TET3: variants seen among roughly 807,000 people sequenced by gnomAD.
The protein encoded by TET3 is methylcytosine dioxygenase TET3.
A neutral mutation model predicts 141.4 loss-of-function variants in TET3; 19 were observed. The observed-to-expected ratio is 0.13, with a 90% CI of 0.09 to 0.20. The LOEUF (loss-of-function observed/expected upper bound fraction) is 0.20. TET3 is among the 10% of genes least tolerant of loss of function. The probability of loss-of-function intolerance (pLI) is 1.00; values close to 1 mark genes in which losing one functional copy is unlikely to be tolerated. For missense variants in TET3, 1,874 were observed against 2,356.9 expected, an observed-to-expected ratio of 0.80 and a Z score of 4.24; for synonymous variants, 1,043 against 980.9, an observed-to-expected ratio of 1.06 and a Z score of -1.18.
At chr2:74,092,429 T>TCTGGGCTGGG (rs569626705) in intron 8 of TET3, among the ~76,000 whole-genome samples, 10 of 152,056 alleles carry the variant, frequency 6.6e-5, no homozygotes, top group South Asian at 2.1e-4. Context: ...TATGACAGGC[T>TCTGGGCTGGG]CTGGGCTGGG....
At chr2:74,044,014 A>G (rs1026403244) in intron 3 of TET3, among the ~76,000 whole-genome samples, 6 of 152,196 alleles carry the variant, frequency 3.9e-5, no homozygotes, top group Admixed American at 6.5e-5. Flanking sequence ...AAAAATAAAA[A>G]TAAAATAAAT....
In TET3 at chr2:73,994,736, C is replaced by T. The variant is rs558416623; in HGVS notation, c.303+8030C>T. On this transcript the variant is annotated intron_variant, in intron 2 of 11. Coordinates refer to ENST00000409262, the MANE Select transcript of TET3 (RefSeq NM_001287491.2). The stretch of plus-strand genomic sequence containing the variant: ...TCACTCACCCTCTGCCTCCCAGGTT[C>T]GAGCAATTTTCCTGCCTCATTCTCC... Among the ~76,000 whole-genome samples, 4 of 146,072 alleles carry T rather than the reference C, an allele frequency of 2.7e-5. No individual in the cohort carries two copies. In the South Asian group the frequency reaches 8.6e-4, roughly 31 times the overall value.
intron 3 of TET3, among the ~76,000 whole-genome samples, chr2:74,027,368 A>G (rs978809862): frequency 1.5e-5 from 2 of 135,836 alleles, no homozygotes; most frequent in African/African-American, 5.5e-5. Context: ...TTACAGTTTT[A>G]TTGAGATATA....
the TET3 span, chr2:74,135,403 C>T: frequency 9.8e-5 from 91 of 931,730 alleles, no homozygotes; most frequent in Non-Finnish European, 1.4e-4. Context: ...TTACTAATGA[C>T]CCTTCAAAAG....
At chr2:74,060,830 C>T (rs1688470206) in intron 4 of TET3, among the ~76,000 whole-genome samples, 1 of 152,222 alleles carries the variant, frequency 6.6e-6, no homozygotes, top group African/African-American at 2.4e-5. Flanking sequence ...TCAGAGAGCA[C>T]AGGGTTGGGG....
intron 3 of TET3, among the ~76,000 whole-genome samples, chr2:74,037,765 C>G (rs1268920179): frequency 6.6e-6 from 1 of 152,202 alleles, no homozygotes; most frequent in Non-Finnish European, 1.5e-5. Context: ...TCTTAAAGGC[C>G]TTAAGAAGGT....
rs146954260 is a variant in TET3 at position 74,020,180 on chromosome 2, G to A, written c.360+17014G>A. Among the ~76,000 whole-genome samples the A allele has an allele frequency of 2.6e-5, 4 of 152,136 alleles. No homozygotes were observed. In the East Asian group the frequency reaches 7.8e-4, roughly 29 times the overall value. On this transcript the variant is annotated intron_variant, in intron 3 of 11. Coordinates refer to ENST00000409262, the MANE Select transcript of TET3 (RefSeq NM_001287491.2). Reference sequence around the variant, plus strand: ...TATCCGTGTGCTAATCTTTACCATAGCGTTTGCATTTGTTTTTCCCTTGAG... The same window carrying A: ...TATCCGTGTGCTAATCTTTACCATAACGTTTGCATTTGTTTTTCCCTTGAG...
At chr2:74,124,334 A>G in the TET3 span, among the ~76,000 whole-genome samples, 1 of 143,060 alleles carries the variant, frequency 7.0e-6, no homozygotes. Context: ...CTGCCCGGCC[A>G]GCCGCCCCGT....
At position 74,101,961 on chromosome 2, in the gene TET3, G is replaced by C; in HGVS notation, c.5173G>C (p.Glu1725Gln). 3 of 1,609,876 alleles carry C rather than the reference G, an allele frequency of 1.9e-6. No homozygotes were observed. Among genetic ancestry groups the C allele is most frequent in the Non-Finnish European group, 2.5e-6 (3 of 1,177,216 alleles). ...QLAERARARQEEAARLGLGQQ... is the reference protein window; with the variant it reads ...QLAERARARQQEAARLGLGQQ... Reference sequence around the variant, plus strand: ...GGCGGAGAGGGCACGGGCACGGCAGGAGGAGGCTGCCCGGCTGGGCCTGGG... The same window carrying C: ...GGCGGAGAGGGCACGGGCACGGCAGCAGGAGGCTGCCCGGCTGGGCCTGGG... The change falls in exon 12 of 12, where the codon GAG becomes CAG. Residue 1725 changes from glutamate (E) to glutamine (Q), a missense_variant. Physicochemically the swap from Glu to Gln is conservative, Grantham distance 29 (BLOSUM62 2). Around this residue, in one of 10 missense-constraint regions of TET3, gnomAD observed 113 missense variants for 114.3 expected, o/e 0.99. Coordinates refer to ENST00000409262, the MANE Select transcript of TET3 (RefSeq NM_001287491.2). The surrounding 1 kb of genome is among the most constrained non-coding windows in gnomAD (Gnocchi z 8.5).
chr2:74,037,221 C>A lies in TET3; in HGVS notation c.361-9057C>A, dbSNP rs1371202589. On this transcript the variant is annotated intron_variant, in intron 3 of 11. Transcript: ENST00000409262. ...TCTGCAAGGGTTCCCCTAAAACTCTCTTTCTGCACTCGCTTATTAGTTTTA... is the reference window on the plus strand; with the variant it reads ...TCTGCAAGGGTTCCCCTAAAACTCTATTTCTGCACTCGCTTATTAGTTTTA... Among the ~76,000 whole-genome samples the A allele has an allele frequency of 5.3e-5, 8 of 152,302 alleles. No homozygotes were observed. In the East Asian group the frequency reaches 1.6e-3, roughly 30 times the overall value.
intron 10 of TET3, among the ~76,000 whole-genome samples, chr2:74,094,932 T>C (rs547591708): frequency 6.6e-6 from 1 of 152,202 alleles, no homozygotes; most frequent in South Asian, 2.1e-4. Flanking sequence ...AAGGAGGGTC[T>C]GGAGAGCACG....
In TET3 at chr2:74,046,908, A is replaced by G. The variant is rs1167991641; in HGVS notation, c.991A>G (p.Ile331Val). ...RPLLSSEVPQ[I>V]SPQEGLPLSQ... ...ACTCCTCAGCTCAGAGGTGCCCCAG[A>G]TCTCTCCCCAAGAGGGCCTGCCCCT... is the stretch of plus-strand genomic sequence containing the variant. The change falls in exon 4 of 12, where the codon ATC becomes GTC. Residue 331 changes from isoleucine to valine, a missense_variant. Ile to Val is a conservative substitution (Grantham distance 29). Coordinates refer to ENST00000409262, the MANE Select transcript of TET3 (RefSeq NM_001287491.2). The surrounding 1 kb of genome is among the most constrained non-coding windows in gnomAD (Gnocchi z 4.3). 3 of 1,613,752 alleles carry G rather than the reference A, an allele frequency of 1.9e-6. No homozygotes were observed. The highest frequency in any genetic ancestry group is 4.5e-5 in the East Asian group (2 of 44,862).
At chr2:74,060,360 T>G (rs1192763568) in intron 4 of TET3, among the ~76,000 whole-genome samples, 1 of 152,170 alleles carries the variant, frequency 6.6e-6, no homozygotes, top group African/African-American at 2.4e-5. Flanking sequence ...TTGTTTTTCT[T>G]ATTGAGTGGT....
At chr2:74,008,171 TC>T (rs2105175670) in intron 3 of TET3, among the ~76,000 whole-genome samples, 1 of 152,332 alleles carries the variant, frequency 6.6e-6, no homozygotes, top group Non-Finnish European at 1.5e-5. Flanking sequence ...TTTCCACTCT[TC>T]TATACCCTCC....
intron 10 of TET3, 47 bp from the exon 11 acceptor site, chr2:74,099,229 C>A: frequency 6.7e-7 from 1 of 1,502,058 alleles, no homozygotes; most frequent in Non-Finnish European, 9.0e-7. Flanking sequence ...TCTCCCAGCA[C>A]TCGGTCCCCC....
At chr2:74,010,089 C>T (rs1685347954) in intron 3 of TET3, among the ~76,000 whole-genome samples, 1 of 152,216 alleles carries the variant, frequency 6.6e-6, no homozygotes, top group Admixed American at 6.5e-5. Context: ...CTGTGGGTTC[C>T]CAGAGGCGTC....
At chr2:73,997,472 T>C (rs1684652656) in intron 2 of TET3, among the ~76,000 whole-genome samples, 1 of 152,132 alleles carries the variant, frequency 6.6e-6, no homozygotes, top group Non-Finnish European at 1.5e-5. Context: ...CTGTACTATG[T>C]TCATGCTGCA....
intron 6 of TET3, among the ~76,000 whole-genome samples, chr2:74,085,791 C>CCTG (rs1208187319): frequency 6.6e-6 from 1 of 152,176 alleles, no homozygotes; most frequent in Non-Finnish European, 1.5e-5. Context: ...GTCAGAGACC[C>CCTG]CTGCTCTAAG....
intron 4 of TET3, among the ~76,000 whole-genome samples, chr2:74,053,792 T>TCTG (rs1221094275): frequency 6.6e-6 from 1 of 152,180 alleles, no homozygotes; most frequent in Non-Finnish European, 1.5e-5. Flanking sequence ...TCGTGTAAAG[T>TCTG]CTGTTTTCTA....
Sources: gnomAD v4.1 joint callset for allele counts (sites outside exome capture counted in the v4.1 genomes callset) on GRCh38, gnomAD v4.1.1 for gene constraint, gnomAD v4.1.1 regional missense constraint, Gnocchi (gnomAD v3.1) non-coding constraint, MANE v1.5 for transcripts, NCBI Gene and HGNC (gene_info 2026-07-23, HGNC 2026-07-21) for gene names.